The following TRIO variants were observed in gnomAD, a reference collection of about 807,000 sequenced individuals.
TRIO encodes the protein triple functional domain protein.
In TRIO, 58 loss-of-function variants were observed where a neutral mutation model predicts 351.9. The ratio of observed to expected loss-of-function variants is 0.16; its 90% confidence interval spans 0.13 to 0.21. The LOEUF (loss-of-function observed/expected upper bound fraction) is 0.21, where lower values mean the gene tolerates loss of function less well. Among genes scored for constraint, TRIO ranks in the 10% least tolerant of loss-of-function variants. TRIO has a pLI of 1.00. For synonymous variants in TRIO, 1,758 were observed against 1,595.7 expected (o/e 1.10, Z -2.42); for missense variants, 3,201 against 4,027.8 (o/e 0.79, Z 5.56).
chr5:14,292,193 CTT>C (rs1307469267), intron 5 of TRIO, among the ~76,000 whole-genome samples: 2 of 152,186 alleles, frequency 1.3e-5, no homozygotes, highest in Non-Finnish European at 2.9e-5. Flanking sequence ...TGTAAAAGGA[CTT>C]TTCAAAAGGT....
In TRIO at chr5:14,497,027, G is replaced by T; in HGVS notation, c.8019+10G>T. ...CAAGGTATCTGTGAAGGTGTGTTCG[G>T]GGGTCTTCAGGAGTCCGTGTCATCC... On this transcript the variant is annotated intron_variant, in intron 50 of 56. Coordinates refer to ENST00000344204, the MANE Select transcript of TRIO (RefSeq NM_007118.4). This position sits in a 1 kb window ranked among gnomAD's most constrained non-coding sequence, Gnocchi z 4.4. The T allele has an allele frequency of 6.2e-6, 10 of 1,613,758 alleles. No homozygotes were observed. The highest frequency in any genetic ancestry group is 8.5e-6 in the Non-Finnish European group (10 of 1,179,818).
chr5:14,448,591 C>T (rs1027900562), intron 34 of TRIO, among the ~76,000 whole-genome samples: 5 of 152,316 alleles, frequency 3.3e-5, no homozygotes, highest in East Asian at 1.9e-4. Context: ...ACTTTCCCCA[C>T]GAGGGCTGAT....
intron 8 of TRIO, among the ~76,000 whole-genome samples, chr5:14,309,261 C>A (rs1190297325): frequency 6.6e-6 from 1 of 152,146 alleles, no homozygotes; most frequent in Non-Finnish European, 1.5e-5. Context: ...CAGCAAGAAA[C>A]CTGGCTTCTA....
At chr5:14,179,306 G>A (rs1357711664) in intron 1 of TRIO, among the ~76,000 whole-genome samples, 2 of 152,054 alleles carry the variant, frequency 1.3e-5, no homozygotes, top group African/African-American at 4.8e-5. Flanking sequence ...TGAAGTTAGA[G>A]GAATTGTTTT....
chr5:14,143,672 G>T lies in TRIO; in HGVS notation c.-54G>T. ...GCCCGGCGCGGAGCGGGCGGCACGC[G>T]GCGCTAGGGGCGCGGGGCCCGAGGC... On this transcript the variant is annotated 5_prime_UTR_variant, in exon 1 of 57. Coordinates refer to ENST00000344204, the MANE Select transcript of TRIO (RefSeq NM_007118.4). 1 of 921,264 alleles carries T rather than the reference G, an allele frequency of 1.1e-6. No individual in the cohort carries two copies. Among genetic ancestry groups the T allele is most frequent in the Non-Finnish European group, 1.3e-6 (1 of 775,326 alleles). 57.1% of individuals were successfully genotyped at this position (921,264 alleles called of 1,614,324 possible).
intron 33 of TRIO, among the ~76,000 whole-genome samples, chr5:14,411,429 G>C (rs116301533): frequency 1.1e-4 from 16 of 152,178 alleles, no homozygotes; most frequent in Non-Finnish European, 2.2e-4. Flanking sequence ...TGGAAAAGCC[G>C]GCCCGAGCCA....
intron 10 of TRIO, among the ~76,000 whole-genome samples, chr5:14,335,633 G>T (rs1741331072): frequency 6.6e-6 from 1 of 152,098 alleles, no homozygotes. Flanking sequence ...TTAAAACTCT[G>T]GCTACTTTAG....
At chr5:14,383,270 A>G (rs927335099) in intron 21 of TRIO, among the ~76,000 whole-genome samples, 1 of 152,236 alleles carries the variant, frequency 6.6e-6, no homozygotes, top group Non-Finnish European at 1.5e-5. Flanking sequence ...GAAAATGCCT[A>G]ACATCACATA....
At chr5:14,323,515 A>AG (rs1440382400) in intron 9 of TRIO, among the ~76,000 whole-genome samples, 1 of 38,708 alleles carries the variant, frequency 2.6e-5, no homozygotes, top group Non-Finnish European at 4.8e-5. Context: ...CAGCCACTTA[A>AG]GAACAGAGAG....
intron 48 of TRIO, among the ~76,000 whole-genome samples, chr5:14,489,505 C>T (rs1450013092): frequency 1.3e-5 from 2 of 152,158 alleles, no homozygotes; most frequent in African/African-American, 4.8e-5. Flanking sequence ...CAGTGACGGG[C>T]TATACCCGTC....
intron 34 of TRIO, among the ~76,000 whole-genome samples, chr5:14,426,654 C>G (rs1271950390): frequency 6.6e-6 from 1 of 152,182 alleles, no homozygotes. Context: ...AAACCGTAGG[C>G]TCGGTAGAGA....
intron 1 of TRIO, among the ~76,000 whole-genome samples, chr5:14,197,225 T>C (rs1790833473): frequency 6.6e-6 from 1 of 152,196 alleles, no homozygotes; most frequent in Non-Finnish European, 1.5e-5. Context: ...TCCCCTGGGC[T>C]GTCCTCCCCT....
At chr5:14,472,681 T>C (rs993264248) in intron 39 of TRIO, 23 bp downstream of exon 39, 4 of 1,612,336 alleles carry the variant, frequency 2.5e-6, no homozygotes, top group Non-Finnish European at 3.4e-6. Context: ...AGAAATTTAG[T>C]ATCTTCGTAT....
chr5:14,184,465 A>G (rs1345168950), intron 1 of TRIO, among the ~76,000 whole-genome samples: 1 of 152,230 alleles, frequency 6.6e-6, no homozygotes, highest in Non-Finnish European at 1.5e-5. Flanking sequence ...TTTTTAGAAA[A>G]TAATACTGAG....
intron 25 of TRIO, 40 bp downstream of exon 25, chr5:14,389,438 C>T: frequency 7.0e-7 from 1 of 1,434,794 alleles, no homozygotes; most frequent in East Asian, 2.4e-5. Context: ...CGCTTGAAAT[C>T]CATGTGCTGA....
intron 1 of TRIO, among the ~76,000 whole-genome samples, chr5:14,155,445 A>G (rs1038853829): frequency 5.9e-5 from 9 of 152,110 alleles, no homozygotes; most frequent in Non-Finnish European, 8.8e-5. Context: ...CTTTTTACCA[A>G]TTGTCTCAGG....
At chr5:14,306,642 A>G (rs1406118335) in intron 8 of TRIO, among the ~76,000 whole-genome samples, 1 of 152,242 alleles carries the variant, frequency 6.6e-6, no homozygotes, top group East Asian at 1.9e-4. Flanking sequence ...CCAAACCAAG[A>G]TGGGCTTGAA....
chr5:14,474,897 A>G (rs1754943241), intron 40 of TRIO, among the ~76,000 whole-genome samples: 1 of 151,290 alleles, frequency 6.6e-6, no homozygotes, highest in Admixed American at 6.6e-5. Flanking sequence ...CTGGTCTTGA[A>G]CTCCTGGGCT....
At chr5:14,197,391 CT>C (rs1790845529) in intron 1 of TRIO, among the ~76,000 whole-genome samples, 1 of 152,202 alleles carries the variant, frequency 6.6e-6, no homozygotes, top group African/African-American at 2.4e-5. Flanking sequence ...TGAGAATGCT[CT>C]TTACCCTGTC....
Sources: allele counts gnomAD v4.1 joint callset (sites outside exome capture counted in the v4.1 genomes callset), GRCh38; gene constraint gnomAD v4.1.1; non-coding constraint Gnocchi (gnomAD v3.1); transcripts MANE v1.5; gene names NCBI Gene and HGNC (gene_info 2026-07-23, HGNC 2026-07-21).